MYT1L: variants seen among roughly 807,000 people sequenced by gnomAD.
MYT1L encodes the protein myelin transcription factor 1 like, also known as myelin transcription factor 1-like protein.
In MYT1L, 12 loss-of-function variants were observed where a neutral mutation model predicts 126.7. That is an observed-to-expected ratio of 0.09 (90% CI 0.06 to 0.15). The LOEUF (loss-of-function observed/expected upper bound fraction) is 0.15. Ranked by LOEUF, MYT1L falls within the 10% of genes least tolerant of loss-of-function variation. MYT1L has a pLI of 1.00. For missense variants in MYT1L, 979 were observed against 1,585.2 expected (o/e 0.62, Z 6.49); for synonymous variants, 541 against 604.2 (o/e 0.90, Z 1.53).
At chr2:2,184,104 G>T (rs2148665919) in intron 2 of MYT1L, among the ~76,000 whole-genome samples, 1 of 152,096 alleles carries the variant, frequency 6.6e-6, no homozygotes, top group South Asian at 2.1e-4. Flanking sequence ...GGAAAGAAAA[G>T]AAGGGAAGGA....
At chr2:2,041,902 A>G (rs1359295365) in intron 4 of MYT1L, among the ~76,000 whole-genome samples, 1 of 152,224 alleles carries the variant, frequency 6.6e-6, no homozygotes, top group Non-Finnish European at 1.5e-5. Context: ...AGATTGTACT[A>G]CAAATCTAAG....
intron 1 of MYT1L, among the ~76,000 whole-genome samples, chr2:2,299,576 C>T (rs560074873): frequency 7.2e-5 from 11 of 152,344 alleles, no homozygotes; most frequent in African/African-American, 2.6e-4. Flanking sequence ...AGGTTGCTGA[C>T]ATTCTTACAG....
At position 1,886,587 on chromosome 2, in the gene MYT1L, G is replaced by A. The variant is rs2048199338; in HGVS notation, c.2663C>T (p.Ala888Val). The change falls in exon 18 of 25, where the codon GCG becomes GTG. Residue 888 changes from alanine to valine, a missense_variant. Physicochemically the swap from Ala to Val is moderately conservative, Grantham distance 64 (BLOSUM62 0). Around this residue, in one of 12 missense-constraint regions of MYT1L, gnomAD observed 179 missense variants for 398.6 expected, o/e 0.45. Coordinates refer to ENST00000647738, the MANE Select transcript of MYT1L (RefSeq NM_001303052.2). ...CAGCATACTTCGAATGCTTTTGTCC[G>A]CCAGGGGGCAGCCAGACAGACTGTA... Reference protein sequence around the residue: ...DLITLSGCPLADKSIRSMLAT... With the variant: ...DLITLSGCPLVDKSIRSMLAT... 2 of 1,581,434 alleles carry A rather than the reference G, an allele frequency of 1.3e-6. No individual in the cohort carries two copies. The highest frequency in any genetic ancestry group is 8.6e-7 in the Non-Finnish European group (1 of 1,164,432).
chr2:2,297,535 T>A (rs543879696), intron 1 of MYT1L, among the ~76,000 whole-genome samples: 17 of 152,320 alleles, frequency 1.1e-4, no homozygotes, highest in Non-Finnish European at 1.6e-4. Context: ...TTCATACTTA[T>A]TTCATACATA....
intron 11 of MYT1L, among the ~76,000 whole-genome samples, chr2:1,913,450 C>T (rs558184463): frequency 6.6e-6 from 1 of 152,138 alleles, no homozygotes; most frequent in South Asian, 2.1e-4. Flanking sequence ...TTCCCTGCCC[C>T]CTTCCTCCCT....
chr2:2,075,887 C>T (rs1478444045), intron 3 of MYT1L, among the ~76,000 whole-genome samples: 1 of 152,228 alleles, frequency 6.6e-6, no homozygotes, highest in African/African-American at 2.4e-5. Context: ...CCATTCCCAT[C>T]CCCCTCTTCA....
chr2:2,245,563 C>T (rs187019659), intron 2 of MYT1L, among the ~76,000 whole-genome samples: 23 of 152,124 alleles, frequency 1.5e-4, no homozygotes, highest in African/African-American at 5.1e-4. Flanking sequence ...AGAGAGGTGA[C>T]AGTGACAATC....
chr2:1,953,861 A>G (rs1312574125), intron 8 of MYT1L, among the ~76,000 whole-genome samples: 22 of 152,256 alleles, frequency 1.4e-4, no homozygotes, highest in Admixed American at 1.2e-3. Context: ...ATGTTACCAC[A>G]GAAGTATTCT....
chr2:2,102,604 ATGTG>A (rs3047992), intron 3 of MYT1L, among the ~76,000 whole-genome samples: 3,376 of 143,038 alleles, frequency 0.024, 31 homozygotes, highest in Admixed American at 0.03. Flanking sequence ...CCTCTTGGGA[ATGTG>A]TGTGTGTGTG....
Position 1,929,202 on chromosome 2 carries a change from C to T in MYT1L, c.506-5939G>A, listed in dbSNP as rs564571020. Among the ~76,000 whole-genome samples, 3 of 152,236 alleles carry T rather than the reference C, an allele frequency of 2.0e-5. No homozygotes were observed. Among genetic ancestry groups the T allele is most frequent in the African/African-American group, 4.8e-5 (2 of 41,550 alleles). The stretch of plus-strand genomic sequence containing the variant: ...TTTCCCAGCCCGGGTGGCCTTCAGT[C>T]GGGCACCTCTCCTAGGTGCGGCGCT... On this transcript the variant is annotated intron_variant, in intron 9 of 24. Transcript: ENST00000647738. The surrounding 1 kb of genome is among the most constrained non-coding windows in gnomAD (Gnocchi z 4.7).
rs555363607 is a variant in MYT1L, at chr2:2,228,949, G to A, written c.-421+55455C>T. Among the ~76,000 whole-genome samples the A allele has an allele frequency of 5.3e-5, 8 of 152,206 alleles. No individual in the cohort carries two copies. Among genetic ancestry groups the A allele is most frequent in the Admixed American group, 5.2e-4 (8 of 15,284 alleles). On this transcript the variant is annotated intron_variant, in intron 2 of 24. Coordinates refer to ENST00000647738, the MANE Select transcript of MYT1L (RefSeq NM_001303052.2). The surrounding 1 kb of genome is among the most constrained non-coding windows in gnomAD (Gnocchi z 5.9). ...CACAAGCAGTAGAGAAGGATATGAA[G>A]TGAAACACGGGGGTCTTCCAACGTA...
At chr2:1,901,047 A>G (rs895878815) in intron 14 of MYT1L, among the ~76,000 whole-genome samples, 2 of 151,894 alleles carry the variant, frequency 1.3e-5, no homozygotes, top group African/African-American at 4.8e-5. Flanking sequence ...TCCAGAAGAA[A>G]CCCATGGCAC....
At chr2:1,921,201 A>G (rs1245794448) in intron 10 of MYT1L, among the ~76,000 whole-genome samples, 1 of 152,264 alleles carries the variant, frequency 6.6e-6, no homozygotes, top group Admixed American at 6.5e-5. Flanking sequence ...AATAAAAAAC[A>G]TAAAAGGATC....
At chr2:1,805,946 CA>C (rs2035633078) in intron 22 of MYT1L, among the ~76,000 whole-genome samples, 1 of 152,122 alleles carries the variant, frequency 6.6e-6, no homozygotes, top group Non-Finnish European at 1.5e-5. Flanking sequence ...CACAGAGCTT[CA>C]GATGCAAAGA....
intron 1 of MYT1L, among the ~76,000 whole-genome samples, chr2:2,295,603 GAC>G (rs1559583885): frequency 6.2e-4 from 47 of 76,324 alleles, no homozygotes; most frequent in African/African-American, 1.1e-3. Context: ...CAGAGAGAGA[GAC>G]AGACAGAGAG....
intron 19 of MYT1L, 148 bp downstream of exon 19, chr2:1,851,493 T>C (rs1572869339): frequency 2.8e-6 from 2 of 726,026 alleles, no homozygotes; most frequent in Admixed American, 2.7e-5. Context: ...AATGAGGACG[T>C]CACTGCTTTA....
intron 4 of MYT1L, among the ~76,000 whole-genome samples, chr2:2,042,047 C>G (rs1403065432): frequency 6.6e-6 from 1 of 152,170 alleles, no homozygotes; most frequent in African/African-American, 2.4e-5. Flanking sequence ...TCTCCTGCTT[C>G]TTGTAAGTCT....
At chr2:2,231,319 A>T (rs994242041) in intron 2 of MYT1L, among the ~76,000 whole-genome samples, 1 of 152,224 alleles carries the variant, frequency 6.6e-6, no homozygotes, top group Non-Finnish European at 1.5e-5. Context: ...GCTAATTAAC[A>T]AAGATTTGTA....
chr2:2,163,457 G>T (rs2088378868), intron 3 of MYT1L, among the ~76,000 whole-genome samples: 1 of 152,076 alleles, frequency 6.6e-6, no homozygotes, highest in South Asian at 2.1e-4. Context: ...CGGGCGCAGT[G>T]GCTCACACCT....
Sources: gnomAD v4.1 joint callset for allele counts (sites outside exome capture counted in the v4.1 genomes callset) on GRCh38, gnomAD v4.1.1 for gene constraint, gnomAD v4.1.1 regional missense constraint, Gnocchi (gnomAD v3.1) non-coding constraint, MANE v1.5 for transcripts, NCBI Gene and HGNC (gene_info 2026-07-23, HGNC 2026-07-21) for gene names.